LIMK2: variants seen among roughly 807,000 people sequenced by gnomAD.
LIMK2 encodes LIM domain kinase 2.
In LIMK2, 35 loss-of-function variants were observed where a neutral mutation model predicts 75.7. The observed-to-expected ratio is 0.46, with a 90% CI of 0.35 to 0.61. LIMK2 has a LOEUF of 0.61. LIMK2 is among the 20% of genes least tolerant of loss of function. The pLI, the probability that LIMK2 is intolerant of heterozygous loss-of-function variation, is 0.00. For missense variants in LIMK2, 623 were observed against 831.0 expected (o/e 0.75, Z 3.08); for synonymous variants, 301 against 319.2 (o/e 0.94, Z 0.61).
At chr22:31,259,275 C>A in intron 4 of LIMK2, 45 bp downstream of exon 4, 1 of 1,287,416 alleles carries the variant, frequency 7.8e-7, no homozygotes, top group Non-Finnish European at 1.1e-6. Flanking sequence ...ATAAGAGTGG[C>A]TGGCGGGGAG....
At chr22:31,248,921 T>G (rs943720658) in intron 2 of LIMK2, 2 of 787,950 alleles carry the variant, frequency 2.5e-6, no homozygotes, top group African/African-American at 3.4e-5. Context: ...AGAATCGGCC[T>G]TGTGAGGTAC....
intron 14 of LIMK2, 47 bp from the exon 15 acceptor site, chr22:31,275,104 T>G (rs1264535476): frequency 6.3e-7 from 1 of 1,587,442 alleles, no homozygotes; most frequent in Admixed American, 1.7e-5. Flanking sequence ...GCCAAGTATC[T>G]GTGGCCTCTG....
intron 2 of LIMK2, among the ~76,000 whole-genome samples, chr22:31,252,945 T>G (rs959947111): frequency 1.3e-5 from 2 of 152,160 alleles, no homozygotes; most frequent in African/African-American, 4.8e-5. Context: ...CTCAACTGAT[T>G]ATCTTTTTTA....
At position 31,277,148 on chromosome 22, in the gene LIMK2, C is replaced by T. The variant is rs955436081; in HGVS notation, c.1773-1149C>T. On this transcript the variant is annotated intron_variant, in intron 15 of 15. Transcript: ENST00000331728. The stretch of plus-strand genomic sequence containing the variant: ...ACACCCCAGAAGAAGTGAGGGTCCC[C>T]GACCCAGGCGAACGGTGGCTCCCAT... 6 of 1,613,402 alleles carry T rather than the reference C, an allele frequency of 3.7e-6. No individual in the cohort carries two copies. The African/African-American group carries it at 5.3e-5, about 14-fold the overall frequency.
chr22:31,258,815 C>A, intron 3 of LIMK2: 1 of 411,080 alleles, frequency 2.4e-6, no homozygotes, highest in Non-Finnish European at 4.5e-6. Flanking sequence ...TCTGGACAAA[C>A]GACTTTAAGC....
Position 31,262,098 on chromosome 22 carries a change from A to G in LIMK2, c.552-36A>G. Reference sequence around the variant, plus strand: ...AGAATTGGTCAAGCAGGTTTTTAGGACATCTTTACCCTGCCTCAACTCTTG... The same window carrying G: ...AGAATTGGTCAAGCAGGTTTTTAGGGCATCTTTACCCTGCCTCAACTCTTG... On this transcript the variant is annotated intron_variant, in intron 5 of 15. Coordinates refer to ENST00000331728, the MANE Select transcript of LIMK2 (RefSeq NM_005569.4). This position sits in a 1 kb window ranked among gnomAD's most constrained non-coding sequence, Gnocchi z 5.0. 1 of 1,550,560 alleles carries G rather than the reference A, an allele frequency of 6.4e-7. No homozygotes were observed. The highest frequency in any genetic ancestry group is 1.1e-5 in the South Asian group (1 of 89,794).
chr22:31,251,171 A>G (rs1170714067), intron 2 of LIMK2, among the ~76,000 whole-genome samples: 1 of 152,234 alleles, frequency 6.6e-6, no homozygotes, highest in Non-Finnish European at 1.5e-5. Flanking sequence ...AATTTACAAA[A>G]GAGGTAAATT....
chr22:31,267,982 C>T (rs2123854150), intron 10 of LIMK2, 75 bp downstream of exon 10: 1 of 1,567,340 alleles, frequency 6.4e-7, no homozygotes. Flanking sequence ...ACCCTAGGAG[C>T]TTAAAGGGCA....
Position 31,248,699 on chromosome 22 carries a change from A to G in LIMK2, c.117-9592A>G, listed in dbSNP as rs757925294. 4.3e-6 allele frequency: 7 copies of G among 1,614,090 alleles called. No individual in the cohort carries two copies. In the Admixed American group the frequency reaches 8.3e-5, roughly 19 times the overall value. ...GACGGATTTGCAGCTGAGCCTGTCT[A>G]TCTGGTGTGGGAAGAAGATGGGGAG... On this transcript the variant is annotated intron_variant, in intron 2 of 15. Coordinates refer to ENST00000331728, the MANE Select transcript of LIMK2 (RefSeq NM_005569.4).
chr22:31,272,772 C>A, intron 13 of LIMK2, 68 bp downstream of exon 13: 1 of 1,507,112 alleles, frequency 6.6e-7, no homozygotes, highest in East Asian at 2.3e-5. Context: ...CATCAGAGCC[C>A]TGGGAATTCC....
intron 2 of LIMK2, chr22:31,248,906 C>A: frequency 1.1e-6 from 1 of 892,860 alleles, no homozygotes; most frequent in Non-Finnish European, 1.8e-6. Context: ...AGGTTATACC[C>A]AAGGAGAATC....
chr22:31,270,373 TCAGG>T (rs762992894), intron 11 of LIMK2, among the ~76,000 whole-genome samples: 1 of 152,120 alleles, frequency 6.6e-6, no homozygotes, highest in Non-Finnish European at 1.5e-5. Flanking sequence ...GAGCACTCCC[TCAGG>T]CAGGCAGGCA....
At chr22:31,252,645 G>A (rs2048736902) in intron 2 of LIMK2, among the ~76,000 whole-genome samples, 1 of 151,950 alleles carries the variant, frequency 6.6e-6, no homozygotes, top group Non-Finnish European at 1.5e-5. Context: ...TCTGGGCTGA[G>A]AAGCAGGTCC....
Position 31,262,828 on chromosome 22 carries a change from T to C in LIMK2, c.854+37T>C, listed in dbSNP as rs759351421. The C allele has an allele frequency of 1.2e-5, 18 of 1,485,346 alleles. No individual in the cohort carries two copies. In the East Asian group the frequency reaches 4.4e-4, roughly 37 times the overall value. 92.0% of individuals were successfully genotyped at this position (1,485,346 alleles called of 1,614,324 possible). On this transcript the variant is annotated intron_variant, in intron 7 of 15. Transcript: ENST00000331728. This position sits in a 1 kb window ranked among gnomAD's most constrained non-coding sequence, Gnocchi z 5.0. ...CACCCTGGCTCTGTTCTGTCCTATG[T>C]CTGTCTCTCGGATGAAGCTGAGCTG...
chr22:31,219,149 A>G lies in LIMK2; in HGVS notation c.17-6571A>G, dbSNP rs141523397. On this transcript the variant is annotated intron_variant, in intron 1 of 15. Coordinates refer to ENST00000331728, the MANE Select transcript of LIMK2 (RefSeq NM_005569.4). ...ATAGGGTATTAAAAATATGACTGGC[A>G]TGGTAGTCTCTGAGCATGGGTTTGA... Among the ~76,000 whole-genome samples, 260 of 152,268 alleles carry G rather than the reference A, an allele frequency of 1.7e-3. 2 individuals carry two copies. Among genetic ancestry groups the G allele is most frequent in the African/African-American group, 6.0e-3 (250 of 41,550 alleles).
chr22:31,267,586 C>T (rs16989458), intron 9 of LIMK2, among the ~76,000 whole-genome samples, 190 bp from the exon 10 acceptor site: 3,447 of 152,298 alleles, frequency 0.023, 134 homozygotes, highest in African/African-American at 0.076. Flanking sequence ...AAGGGTAAGG[C>T]CTATGAAGCC....
chr22:31,241,739 A>G (rs1375701449), intron 2 of LIMK2, among the ~76,000 whole-genome samples: 1 of 152,204 alleles, frequency 6.6e-6, no homozygotes, highest in Non-Finnish European at 1.5e-5. Context: ...CCTATGATTC[A>G]GGACCCCCAT....
rs1187642436 is a variant in LIMK2, at chr22:31,266,043, TC to T, written c.954del (p.Ser319AlafsTer13). ...DISRSESLRC[S>X]SSYSQQIFRP... ...CAGCCGCTCAGAATCCCTTCGTTGT[TC>T]CAGCAGCTATTCACAGCAGATCTTC... On this transcript the variant is annotated frameshift_variant, in exon 8 of 16. Coordinates refer to ENST00000331728, the MANE Select transcript of LIMK2 (RefSeq NM_005569.4). LOFTEE classifies it high-confidence loss of function. 1 of 1,614,032 alleles carries T rather than the reference TC, an allele frequency of 6.2e-7. No individual in the cohort carries two copies.
chr22:31,266,945 C>T, intron 8 of LIMK2, 39 bp from the exon 9 acceptor site: 1 of 1,423,402 alleles, frequency 7.0e-7, no homozygotes, highest in Non-Finnish European at 9.8e-7. Context: ...CCAGAACTTC[C>T]TCTGGTCTCA....
Sources: gnomAD v4.1 joint callset for allele counts (sites outside exome capture counted in the v4.1 genomes callset) on GRCh38, gnomAD v4.1.1 for gene constraint, Gnocchi (gnomAD v3.1) non-coding constraint, MANE v1.5 for transcripts, NCBI Gene and HGNC (gene_info 2026-07-23, HGNC 2026-07-21) for gene names.